PHC2: variants seen among roughly 807,000 people sequenced by gnomAD.
PHC2 encodes polyhomeotic-like protein 2.
Under a neutral mutation model 87.4 loss-of-function variants are expected in PHC2, and 29 were observed. That is an observed-to-expected ratio of 0.33 (90% CI 0.25 to 0.45). The LOEUF (loss-of-function observed/expected upper bound fraction) is 0.45, where lower values mean the gene tolerates loss of function less well. Ranked by LOEUF, PHC2 falls within the 20% of genes least tolerant of loss-of-function variation. PHC2 has a pLI of 1.00. For missense variants in PHC2, 857 were observed against 1,136.7 expected (o/e 0.75, Z 3.54); for synonymous variants, 438 against 461.7 (o/e 0.95, Z 0.66).
chr1:33,349,959 C>T lies in PHC2; in HGVS notation c.1558+4442G>A, dbSNP rs1310351245. 24 of 104,326 alleles carry T rather than the reference C, an allele frequency of 2.3e-4. No homozygotes were observed. The highest frequency in any genetic ancestry group is 3.5e-4 in the Non-Finnish European group (17 of 48,578). The allele number at this position is 104,326 out of a possible 1,614,324, so 6.5% of individuals were successfully genotyped here. A position where few individuals can be genotyped will look rare whatever the true frequency, so the allele number is the denominator to read the frequency against. The stretch of plus-strand genomic sequence containing the variant: ...CCGGGGGCGGGGCGAGGGAGCGGGG[C>T]GGGGAGGGGCGGGGCCGCGGGAGGG... On this transcript the variant is annotated intron_variant, in intron 9 of 14. Coordinates refer to ENST00000683057, the MANE Select transcript of PHC2 (RefSeq NM_001385109.1). The surrounding 1 kb of genome is among the most constrained non-coding windows in gnomAD (Gnocchi z 4.2).
chr1:33,356,446 G>A (rs1452826161), intron 7 of PHC2, among the ~76,000 whole-genome samples: 37 of 150,926 alleles, frequency 2.5e-4, no homozygotes, highest in Admixed American at 2.2e-3. Flanking sequence ...GCGGCCTTCC[G>A]CAGTGTTTGT....
chr1:33,335,949 G>A (rs1190295586), intron 9 of PHC2, among the ~76,000 whole-genome samples: 2 of 151,826 alleles, frequency 1.3e-5, no homozygotes, highest in African/African-American at 4.8e-5. Context: ...GTTCATAATG[G>A]GTCTTGGTCC....
At chr1:33,397,294 A>G (rs954915862) in intron 1 of PHC2, among the ~76,000 whole-genome samples, 4 of 152,180 alleles carry the variant, frequency 2.6e-5, no homozygotes, top group African/African-American at 9.6e-5. Context: ...AGTCCCGGGA[A>G]CAGGTCACAG....
intron 1 of PHC2, among the ~76,000 whole-genome samples, chr1:33,401,984 C>G (rs1384566405): frequency 6.6e-6 from 1 of 151,986 alleles, no homozygotes; most frequent in Non-Finnish European, 1.5e-5. Flanking sequence ...CATTTGACTA[C>G]ATTAAAAGAA....
At chr1:33,418,063 A>G (rs1396933860) in intron 1 of PHC2, among the ~76,000 whole-genome samples, 2 of 152,182 alleles carry the variant, frequency 1.3e-5, no homozygotes, top group African/African-American at 4.8e-5. Flanking sequence ...CAAAATCTGT[A>G]GGATATAGCT....
chr1:33,426,419 T>A (rs1650674208), intron 1 of PHC2, among the ~76,000 whole-genome samples: 1 of 152,122 alleles, frequency 6.6e-6, no homozygotes, highest in Non-Finnish European at 1.5e-5. Flanking sequence ...TCCACTCCAA[T>A]TTCTGTTTCA....
intron 1 of PHC2, among the ~76,000 whole-genome samples, chr1:33,383,559 A>G (rs1648592071): frequency 1.3e-5 from 2 of 152,210 alleles, no homozygotes; most frequent in Non-Finnish European, 2.9e-5. Context: ...GGTTGGTTGA[A>G]GAATATGAGG....
At chr1:33,357,278 AAC>A (rs1647108562) in intron 7 of PHC2, among the ~76,000 whole-genome samples, 1 of 152,206 alleles carries the variant, frequency 6.6e-6, no homozygotes, top group Non-Finnish European at 1.5e-5. Context: ...CCTGTGATGC[AAC>A]AGGTGCAAAG....
chr1:33,373,367 C>T (rs12755782), intron 2 of PHC2, among the ~76,000 whole-genome samples: 26,257 of 152,116 alleles, frequency 0.17, 2,795 homozygotes, highest in South Asian at 0.27. Context: ...GTAATCTACC[C>T]ACCTCGGTCT....
intron 1 of PHC2, among the ~76,000 whole-genome samples, chr1:33,399,197 G>C (rs780744430): frequency 1.3e-5 from 2 of 152,070 alleles, no homozygotes; most frequent in Non-Finnish European, 2.9e-5. Context: ...CTGTTTCCTT[G>C]TCTTTAAAGC....
intron 1 of PHC2, among the ~76,000 whole-genome samples, chr1:33,390,543 C>A (rs2148360515): frequency 6.6e-6 from 1 of 152,278 alleles, no homozygotes; most frequent in South Asian, 2.1e-4. Context: ...ACCATCCGCC[C>A]CTTCCCATAT....
At chr1:33,374,252 CAA>C (rs1648031513) in intron 2 of PHC2, among the ~76,000 whole-genome samples, 1 of 152,152 alleles carries the variant, frequency 6.6e-6, no homozygotes, top group Non-Finnish European at 1.5e-5. Context: ...GTTCTGCATG[CAA>C]CCTTGGGTGA....
At chr1:33,424,747 T>A (rs898511419) in intron 1 of PHC2, among the ~76,000 whole-genome samples, 1 of 152,210 alleles carries the variant, frequency 6.6e-6, no homozygotes, top group Admixed American at 6.5e-5. Context: ...GCATCTGGCC[T>A]ATATTATTAG....
At position 33,364,717 on chromosome 1, in the gene PHC2, T is replaced by C. The variant is rs949534870; in HGVS notation, c.976+2399A>G. ...AGGAAGGGGTGGGAGAGAGGAAGAA[T>C]GAACAGGATGGTGGGAGGCAGGAAC... On this transcript the variant is annotated intron_variant, in intron 7 of 14. Coordinates refer to ENST00000683057, the MANE Select transcript of PHC2 (RefSeq NM_001385109.1). The surrounding 1 kb of genome is among the most constrained non-coding windows in gnomAD (Gnocchi z 4.1). Among the ~76,000 whole-genome samples, 1 of 152,056 alleles carries C rather than the reference T, an allele frequency of 6.6e-6. No homozygotes were observed. Among genetic ancestry groups the C allele is most frequent in the African/African-American group, 2.4e-5 (1 of 41,402 alleles).
intron 1 of PHC2, among the ~76,000 whole-genome samples, chr1:33,392,188 C>CAT (rs1649093692): frequency 6.7e-6 from 1 of 148,580 alleles, no homozygotes; most frequent in African/African-American, 2.5e-5. Flanking sequence ...CACACACACA[C>CAT]ATGCACATGC....
intron 1 of PHC2, among the ~76,000 whole-genome samples, chr1:33,379,414 G>A (rs1372011516): frequency 3.7e-5 from 1 of 26,994 alleles, no homozygotes; most frequent in Non-Finnish European, 6.7e-5. Context: ...TGTCCCCCTT[G>A]CCCTCCCACC....
intron 1 of PHC2, among the ~76,000 whole-genome samples, chr1:33,384,644 C>G (rs1229493431): frequency 2.0e-5 from 3 of 152,180 alleles, no homozygotes; most frequent in African/African-American, 4.8e-5. Flanking sequence ...ACTCCCCAGG[C>G]CCCTCACTCT....
Position 33,364,377 on chromosome 1 carries a change from CACACACTT to C in PHC2, c.976+2731_976+2738del. ...TCTCCCAGACACACACACACACACA[CACACACTT>C]GCTTTCACACACACACACACACACA... On this transcript the variant is annotated intron_variant, in intron 7 of 14. Transcript: ENST00000683057. The surrounding 1 kb of genome is among the most constrained non-coding windows in gnomAD (Gnocchi z 4.1). Among the ~76,000 whole-genome samples the C allele has an allele frequency of 7.0e-6, 1 of 143,252 alleles. No individual in the cohort carries two copies. Among genetic ancestry groups the C allele is most frequent in the South Asian group, 2.2e-4 (1 of 4,506 alleles). The allele number at this position is 143,252 out of a possible 152,430, so 94.0% of individuals were successfully genotyped here.
chr1:33,425,533 C>T (rs1451048376), intron 1 of PHC2, among the ~76,000 whole-genome samples: 1 of 152,126 alleles, frequency 6.6e-6, no homozygotes, highest in East Asian at 1.9e-4. Flanking sequence ...GTGGTAAATG[C>T]TATAATGAGA....
Sources: allele counts gnomAD v4.1 joint callset (sites outside exome capture counted in the v4.1 genomes callset), GRCh38; gene constraint gnomAD v4.1.1; non-coding constraint Gnocchi (gnomAD v3.1); transcripts MANE v1.5; gene names NCBI Gene and HGNC (gene_info 2026-07-23, HGNC 2026-07-21).